PAN3: variants seen among roughly 807,000 people sequenced by gnomAD.
The protein encoded by PAN3 is PAN2-PAN3 deadenylation complex subunit PAN3.
In PAN3, 19 loss-of-function variants were observed where a neutral mutation model predicts 96.2. The ratio of observed to expected loss-of-function variants is 0.20; its 90% CI spans 0.14 to 0.29. PAN3 has a LOEUF of 0.29. Among genes scored for constraint, PAN3 ranks in the 10% least tolerant of loss-of-function variants. The pLI, the probability that PAN3 is intolerant of heterozygous loss-of-function variation, is 1.00. For synonymous variants in PAN3, 433 were observed against 406.6 expected, an observed-to-expected ratio of 1.06 and a Z score of -0.78; for missense variants, 882 against 1,108.1, an observed-to-expected ratio of 0.80 and a Z score of 2.90.
chr13:28,239,183 ACACACGCATGCACACACG>A (rs1379242245), intron 6 of PAN3, among the ~76,000 whole-genome samples: 1 of 103,422 alleles, frequency 9.7e-6, no homozygotes, highest in Non-Finnish European at 1.8e-5. Flanking sequence ...ACACACACAC[ACACACGCATGCACACACG>A]CACACACACA....
intron 12 of PAN3, among the ~76,000 whole-genome samples, chr13:28,268,574 G>A (rs1593604112): frequency 6.6e-6 from 1 of 152,076 alleles, no homozygotes; most frequent in African/African-American, 2.4e-5. Flanking sequence ...TCAGAGAAAA[G>A]TAAATCCATT....
In PAN3 at chr13:28,224,500, GTCA is replaced by G. The variant is rs540844042; in HGVS notation, c.1000+4127_1000+4129del. Among the ~76,000 whole-genome samples, 12 of 152,322 alleles carry G rather than the reference GTCA, an allele frequency of 7.9e-5. No homozygotes were observed. The South Asian group carries it at 2.5e-3, about 32-fold the overall frequency. On this transcript the variant is annotated intron_variant, in intron 6 of 18. Transcript: ENST00000380958. Reference sequence around the variant, plus strand: ...GAGATGAGTTCTTATATTTGCAAATGTCATCATTAATTTATAAATGAGAAAATG... The same window carrying G: ...GAGATGAGTTCTTATATTTGCAAATGTCATTAATTTATAAATGAGAAAATG...
At chr13:28,236,578 T>C (rs1883134794) in intron 6 of PAN3, among the ~76,000 whole-genome samples, 1 of 152,224 alleles carries the variant, frequency 6.6e-6, no homozygotes, top group African/African-American at 2.4e-5. Flanking sequence ...AAGATTTTTT[T>C]ATCTGTTTTA....
chr13:28,276,696 G>T (rs1331729504), intron 14 of PAN3, among the ~76,000 whole-genome samples: 1 of 152,128 alleles, frequency 6.6e-6, no homozygotes, highest in Non-Finnish European at 1.5e-5. Context: ...TAGAGAATTT[G>T]CTCTAAAATC....
intron 6 of PAN3, among the ~76,000 whole-genome samples, chr13:28,254,136 G>A (rs1225592538): frequency 2.6e-5 from 4 of 152,200 alleles, no homozygotes; most frequent in South Asian, 2.1e-4. Context: ...TCCTGTTTTC[G>A]TATGTGTGTA....
intron 6 of PAN3, among the ~76,000 whole-genome samples, chr13:28,250,621 C>A (rs1884634824): frequency 6.6e-6 from 1 of 152,198 alleles, no homozygotes; most frequent in African/African-American, 2.4e-5. Context: ...CCCGCCTCGG[C>A]CTCCCAAAGT....
chr13:28,169,668 T>TC (rs1874048836), intron 1 of PAN3, among the ~76,000 whole-genome samples: 1 of 152,186 alleles, frequency 6.6e-6, no homozygotes, highest in Non-Finnish European at 1.5e-5. Context: ...CTAACTGCAC[T>TC]CCAAGTATCT....
At chr13:28,191,101 G>GGGAAGAGGAGTTGGT (rs1354131054) in intron 4 of PAN3, among the ~76,000 whole-genome samples, 6 of 152,222 alleles carry the variant, frequency 3.9e-5, no homozygotes, top group Non-Finnish European at 8.8e-5. Context: ...AAGCTCGGAA[G>GGGAAGAGGAGTTGGT]GGAAGAGGAG....
At chr13:28,175,344 A>G (rs1874832296) in intron 2 of PAN3, among the ~76,000 whole-genome samples, 1 of 152,214 alleles carries the variant, frequency 6.6e-6, no homozygotes, top group Non-Finnish European at 1.5e-5. Context: ...TTCTAGGCAC[A>G]AGCAATACTC....
At chr13:28,181,578 T>C (rs911732718) in intron 4 of PAN3, among the ~76,000 whole-genome samples, 3 of 150,792 alleles carry the variant, frequency 2.0e-5, no homozygotes, top group Admixed American at 2.0e-4. Flanking sequence ...ATATCTAGGC[T>C]GTATAATTGT....
chr13:28,215,653 AT>A, intron 5 of PAN3: 1 of 1,393,658 alleles, frequency 7.2e-7, no homozygotes. Context: ...ATTTATTGCC[AT>A]TTTGGTAATA....
At chr13:28,194,699 A>C (rs117451330) in intron 4 of PAN3, among the ~76,000 whole-genome samples, 1,701 of 151,884 alleles carry the variant, frequency 0.011, 19 homozygotes, top group Non-Finnish European at 0.016. Flanking sequence ...TGAACTCCTG[A>C]GCTCAGGCAA....
Position 28,260,374 on chromosome 13 carries a change from A to G in PAN3, c.1249-73A>G. ...GCGCCACTGAACTCCAGCCTGGGCA[A>G]CAGAGCAAGACTCCATCTGAAAAAA... On this transcript the variant is annotated intron_variant, in intron 7 of 18. Transcript: ENST00000380958. 3.4e-6 allele frequency: 4 copies of G among 1,185,132 alleles called. No individual in the cohort carries two copies. In the South Asian group the frequency reaches 3.8e-5, roughly 11 times the overall value. The allele number at this position is 1,185,132 out of a possible 1,614,324, so 73.4% of individuals were successfully genotyped here. A position where few individuals can be genotyped will look rare whatever the true frequency, so the allele number is the denominator to read the frequency against.
intron 18 of PAN3, among the ~76,000 whole-genome samples, chr13:28,288,805 T>C (rs1398191164): frequency 1.3e-5 from 2 of 152,040 alleles, no homozygotes; most frequent in African/African-American, 4.8e-5. Flanking sequence ...TGTTGGGTGT[T>C]ATCAAATCAT....
At chr13:28,176,420 C>T in intron 2 of PAN3, 73 bp from the exon 3 acceptor site, 1 of 1,326,658 alleles carries the variant, frequency 7.5e-7, no homozygotes, top group Non-Finnish European at 1.1e-6. Flanking sequence ...CAAAGAGAGC[C>T]AGTCTTAATT....
At chr13:28,252,929 T>A (rs537353976) in intron 6 of PAN3, among the ~76,000 whole-genome samples, 1 of 152,300 alleles carries the variant, frequency 6.6e-6, no homozygotes, top group South Asian at 2.1e-4. Context: ...TATCAGGGTG[T>A]TCCAGTAACC....
In PAN3 at chr13:28,147,888, ATTCT is replaced by A. The variant is rs148077744; in HGVS notation, c.430+8802_430+8805del. Among the ~76,000 whole-genome samples, 1,040 of 152,178 alleles carry A rather than the reference ATTCT, an allele frequency of 6.8e-3. 10 individuals are homozygous for A. Among genetic ancestry groups the A allele is most frequent in the African/African-American group, 0.024 (1,004 of 41,478 alleles). ...TGTCTTTTCTGATACCTCTTTTGGC[ATTCT>A]CTCTCTTGCTTTTTCTGTAAAAAAT... is the stretch of plus-strand genomic sequence containing the variant. On this transcript the variant is annotated intron_variant, in intron 1 of 18. Transcript: ENST00000380958.
Position 28,260,562 on chromosome 13 carries a change from A to G in PAN3, c.1353+11A>G, listed in dbSNP as rs1360176636. The G allele has an allele frequency of 6.3e-7, 1 of 1,586,630 alleles. No homozygotes were observed. The highest frequency in any genetic ancestry group is 1.1e-5 in the South Asian group (1 of 90,496). ...GATGAACTCCGACAGGTATGCTTTC[A>G]GAATTCATAGTAGGAATACTTAATG... On this transcript the variant is annotated intron_variant, in intron 8 of 18. Coordinates refer to ENST00000380958, the MANE Select transcript of PAN3 (RefSeq NM_175854.8).
At chr13:28,171,566 A>G (rs1874309875) in intron 1 of PAN3, among the ~76,000 whole-genome samples, 1 of 152,288 alleles carries the variant, frequency 6.6e-6, no homozygotes, top group South Asian at 2.1e-4. Flanking sequence ...ATTTGCCATG[A>G]TGGCTCATGG....
Sources: allele counts gnomAD v4.1 joint callset (sites outside exome capture counted in the v4.1 genomes callset), GRCh38; gene constraint gnomAD v4.1.1; transcripts MANE v1.5; gene names NCBI Gene and HGNC (gene_info 2026-07-23, HGNC 2026-07-21).